The following PKD1L1 variants were observed in gnomAD, a reference collection of about 807,000 sequenced individuals.
PKD1L1 encodes the protein polycystin-1-like protein 1.
Under a neutral mutation model 323.4 loss-of-function variants are expected in PKD1L1, and 236 were observed. The observed-to-expected ratio is 0.73, with a 90% CI of 0.66 to 0.81. The LOEUF (loss-of-function observed/expected upper bound fraction) is 0.81. PKD1L1 is among the 40% of genes least tolerant of loss of function. PKD1L1 has a pLI of 0.00. For synonymous variants in PKD1L1, 1,344 were observed against 1,335.0 expected (o/e 1.01, Z -0.15); for missense variants, 3,320 against 3,508.0 (o/e 0.95, Z 1.35).
Position 47,906,404 on chromosome 7 carries a change from A to G in PKD1L1, c.1403-442T>C, listed in dbSNP as rs141128825. On this transcript the variant is annotated intron_variant, in intron 9 of 56. Transcript: ENST00000289672. ...ATGTATATATACATGTACACACACC[A>G]TACACATACCACACATATAGCATAT... Among the ~76,000 whole-genome samples the G allele has an allele frequency of 1.1e-3, 167 of 152,332 alleles. 2 individuals are homozygous for G. The highest frequency in any genetic ancestry group is 2.6e-4 in the Non-Finnish European group (18 of 68,024).
intron 24 of PKD1L1, 32 bp from the exon 25 acceptor site, chr7:47,866,646 T>G: frequency 1.3e-6 from 2 of 1,543,990 alleles, no homozygotes; most frequent in Non-Finnish European, 1.8e-6. Flanking sequence ...TCATTACTGT[T>G]CCAACACACG....
intron 55 of PKD1L1, among the ~76,000 whole-genome samples, chr7:47,793,476 C>A (rs575907406): frequency 6.6e-6 from 1 of 152,186 alleles, no homozygotes; most frequent in Admixed American, 6.5e-5. Flanking sequence ...GCATCTTGCT[C>A]ATTTTTCTCT....
At chr7:47,848,526 G>A (rs1026122018) in intron 31 of PKD1L1, among the ~76,000 whole-genome samples, 4 of 152,110 alleles carry the variant, frequency 2.6e-5, no homozygotes, top group African/African-American at 9.7e-5. Flanking sequence ...TATAATCATC[G>A]AGGCTGGGCG....
chr7:47,902,594 T>A, intron 12 of PKD1L1, 83 bp from the exon 13 acceptor site: 3 of 1,469,310 alleles, frequency 2.0e-6, no homozygotes, highest in Non-Finnish European at 2.8e-6. Flanking sequence ...CCCACTCATA[T>A]CTGCAGAATT....
chr7:47,855,870 C>T (rs1197628415), intron 28 of PKD1L1, among the ~76,000 whole-genome samples: 6 of 40,990 alleles, frequency 1.5e-4, no homozygotes, highest in Admixed American at 6.1e-4. Context: ...AGCGAGACTC[C>T]GTCTCAAAAA....
chr7:47,826,576 A>G (rs561512667), intron 45 of PKD1L1, among the ~76,000 whole-genome samples: 1 of 152,314 alleles, frequency 6.6e-6, no homozygotes, highest in Non-Finnish European at 1.5e-5. Context: ...TTTTTAAAAA[A>G]CTATCAGAAA....
intron 12 of PKD1L1, among the ~76,000 whole-genome samples, chr7:47,903,203 T>C (rs1406123648): frequency 6.6e-6 from 1 of 152,106 alleles, no homozygotes; most frequent in African/African-American, 2.4e-5. Flanking sequence ...AATATTCCCA[T>C]CAGAAGACCA....
intron 46 of PKD1L1, 90 bp downstream of exon 46, chr7:47,820,986 T>C (rs1785127821): frequency 5.5e-6 from 4 of 729,946 alleles, no homozygotes; most frequent in Non-Finnish European, 9.4e-6. Flanking sequence ...CAGTATTTCA[T>C]ATGTGGGATG....
At position 47,792,814 on chromosome 7, in the gene PKD1L1, T is replaced by G; in HGVS notation, c.8356-17A>C. The G allele has an allele frequency of 6.2e-7, 1 of 1,601,216 alleles. No homozygotes were observed. Among genetic ancestry groups the G allele is most frequent in the Non-Finnish European group, 8.6e-7 (1 of 1,168,958 alleles). On this transcript the variant is annotated splice_polypyrimidine_tract_variant and intron_variant, in intron 55 of 56. Transcript: ENST00000289672. ...GTAGTAATTCTGAAGGGAAGAAAATTAGATTAGTAAATGCATTCAAGAATC... is the reference window on the plus strand; with the variant it reads ...GTAGTAATTCTGAAGGGAAGAAAATGAGATTAGTAAATGCATTCAAGAATC...
At chr7:47,851,833 G>A (rs1785788951) in intron 31 of PKD1L1, among the ~76,000 whole-genome samples, 1 of 151,888 alleles carries the variant, frequency 6.6e-6, no homozygotes, top group Non-Finnish European at 1.5e-5. Flanking sequence ...AAAAAAGTCT[G>A]AAAAAAAGGC....
At chr7:47,835,365 C>G in intron 37 of PKD1L1, 122 bp from the exon 38 acceptor site, 1 of 611,284 alleles carries the variant, frequency 1.6e-6, no homozygotes, top group South Asian at 2.3e-5. Flanking sequence ...TAAAAGTGCT[C>G]TCTTCATGAA....
At chr7:47,853,281 G>A in intron 30 of PKD1L1, 54 bp from the exon 31 acceptor site, 1 of 1,269,776 alleles carries the variant, frequency 7.9e-7, no homozygotes, top group Non-Finnish European at 1.1e-6. Flanking sequence ...TCTCTCAAAG[G>A]TTTTAGTCAA....
chr7:47,812,102 A>G (rs1288477040), intron 49 of PKD1L1, 51 bp from the exon 50 acceptor site: 4 of 1,462,634 alleles, frequency 2.7e-6, no homozygotes, highest in Non-Finnish European at 2.8e-6. Flanking sequence ...AAAGGCACAG[A>G]AGTCTACTGA....
chr7:47,914,038 A>T (rs2128752512), intron 8 of PKD1L1, among the ~76,000 whole-genome samples: 1 of 152,306 alleles, frequency 6.6e-6, no homozygotes, highest in South Asian at 2.1e-4. Context: ...TTGGTGATAA[A>T]GAAGAGAGAA....
chr7:47,960,287 T>C, the PKD1L1 span, among the ~76,000 whole-genome samples: 1 of 148,166 alleles, frequency 6.7e-6, no homozygotes, highest in Non-Finnish European at 1.5e-5. Flanking sequence ...TTCACTTGTT[T>C]ATCTGCTGAC....
chr7:47,780,017 C>T (rs1786654336), intron 56 of PKD1L1, among the ~76,000 whole-genome samples: 1 of 146,522 alleles, frequency 6.8e-6, no homozygotes, highest in African/African-American at 2.5e-5. Flanking sequence ...ATAACAACCT[C>T]GTTATTTTTT....
chr7:47,788,561 T>TTATATATATATATA (rs143159052), intron 56 of PKD1L1, among the ~76,000 whole-genome samples: 3 of 133,170 alleles, frequency 2.3e-5, no homozygotes, highest in Non-Finnish European at 4.7e-5. Flanking sequence ...CCCAGCCCAG[T>TTATATATATATATA]TATATATATA....
In PKD1L1 at chr7:47,918,032, T is replaced by C. The variant is rs146936472; in HGVS notation, c.1061-2433A>G. ...TGACCTAAATGCTCCACTTAAAGGATACAGAATAGCAGAATGGATAAGAAT... is the reference window on the plus strand; with the variant it reads ...TGACCTAAATGCTCCACTTAAAGGACACAGAATAGCAGAATGGATAAGAAT... On this transcript the variant is annotated intron_variant, in intron 7 of 56. Coordinates refer to ENST00000289672, the MANE Select transcript of PKD1L1 (RefSeq NM_138295.5). Among the ~76,000 whole-genome samples the C allele has an allele frequency of 1.2e-3, 177 of 152,230 alleles. 1 individual carries two copies. The highest frequency in any genetic ancestry group is 4.0e-3 in the African/African-American group (168 of 41,546).
In PKD1L1 at chr7:47,833,081, C is replaced by G; in HGVS notation, c.6337+9G>C. The G allele has an allele frequency of 1.2e-6, 2 of 1,606,486 alleles. No homozygotes were observed. Among genetic ancestry groups the G allele is most frequent in the South Asian group, 2.2e-5 (2 of 89,412 alleles). ...CAGGAAGGGGGCTGTGGTTGCAAGC[C>G]ACAGTTACCTTGAGTGTGGGGAGGG... On this transcript the variant is annotated intron_variant, in intron 41 of 56. Transcript: ENST00000289672.
Sources: allele counts gnomAD v4.1 joint callset (sites outside exome capture counted in the v4.1 genomes callset), GRCh38; gene constraint gnomAD v4.1.1; transcripts MANE v1.5; gene names NCBI Gene and HGNC (gene_info 2026-07-23, HGNC 2026-07-21).